Variants in PECAM1 observed in about 807,000 individuals in gnomAD.
PECAM1 encodes platelet endothelial cell adhesion molecule.
Under a neutral mutation model 13.8 loss-of-function variants are expected in PECAM1, and 8 were observed. The observed-to-expected ratio is 0.58, with a 90% CI of 0.34 to 1.05. PECAM1 has a LOEUF of 1.05. Ranked by LOEUF, PECAM1 falls within the 50% of genes least tolerant of loss-of-function variation. The pLI, the probability that PECAM1 is intolerant of heterozygous loss-of-function variation, is 0.03. For missense variants in PECAM1, 304 were observed against 141.2 expected (o/e 2.15, Z -5.84); for synonymous variants, 136 against 52.6 (o/e 2.58, Z -6.86).
At chr17:64,390,539 T>TTTCCAGAACA in intron 1 of PECAM1, 24 bp from the exon 2 acceptor site, 1 of 474,212 alleles carries the variant, frequency 2.1e-6, no homozygotes, top group Non-Finnish European at 3.9e-6. Context: ...AAGAAACATG[T>TTTCCAGAACA]TGATTCCAGA....
intron 2 of PECAM1, among the ~76,000 whole-genome samples, chr17:64,379,709 T>C (rs1177575699): frequency 1.3e-5 from 2 of 152,116 alleles, no homozygotes; most frequent in Non-Finnish European, 2.9e-5. Context: ...AAACATCTCA[T>C]GTTCTATACA....
Position 64,373,052 on chromosome 17 carries a change from C to T in PECAM1, c.691+1999G>A, listed in dbSNP as rs1004465404. Among the ~76,000 whole-genome samples, 188 of 151,298 alleles carry T rather than the reference C, an allele frequency of 1.2e-3. 2 individuals are homozygous for T. The highest frequency in any genetic ancestry group is 4.0e-3 in the African/African-American group (167 of 41,390). On this transcript the variant is annotated intron_variant, in intron 4 of 15. Transcript: ENST00000563924. ...GCTTGAACCCGGGAGGCGGAGGTTG[C>T]GGTGAGCTGAGATTGCGCCACTGTA...
chr17:64,337,050 C>T (rs1467020787), intron 14 of PECAM1, among the ~76,000 whole-genome samples: 1 of 152,200 alleles, frequency 6.6e-6, no homozygotes, highest in Non-Finnish European at 1.5e-5. Context: ...CCATGTCCTG[C>T]AGGCTCCTCT....
intron 3 of PECAM1, among the ~76,000 whole-genome samples, chr17:64,375,974 G>A (rs2036348330): frequency 6.6e-6 from 1 of 152,066 alleles, no homozygotes; most frequent in African/African-American, 2.4e-5. Flanking sequence ...TACACACTGG[G>A]TACAGTGTAC....
At chr17:64,366,550 A>C (rs2036110048) in intron 5 of PECAM1, among the ~76,000 whole-genome samples, 1 of 151,926 alleles carries the variant, frequency 6.6e-6, no homozygotes, top group East Asian at 1.9e-4. Flanking sequence ...CACTATTCAC[A>C]ATAGCAAAGA....
In PECAM1 at chr17:64,328,843, G is replaced by C. The variant is rs143591410; in HGVS notation, c.2187+857C>G. On this transcript the variant is annotated intron_variant, in intron 15 of 15. Transcript: ENST00000563924. ...TGCATTGCTGGGTAGCTCACAAAAA[G>C]GTTGGGATTGGAAGACACGTCTTTG... Among the ~76,000 whole-genome samples, 825 of 152,264 alleles carry C rather than the reference G, an allele frequency of 5.4e-3. 10 individuals are homozygous for C. Among genetic ancestry groups the C allele is most frequent in the African/African-American group, 0.019 (779 of 41,550 alleles).
intron 14 of PECAM1, among the ~76,000 whole-genome samples, chr17:64,333,763 G>C (rs2035190720): frequency 6.6e-6 from 1 of 151,658 alleles, no homozygotes. Context: ...TTCAAGACCA[G>C]CCTGGCCAAT....
intron 4 of PECAM1, among the ~76,000 whole-genome samples, chr17:64,373,272 G>C (rs1363278157): frequency 6.6e-6 from 1 of 152,060 alleles, no homozygotes; most frequent in Non-Finnish European, 1.5e-5. Context: ...CTATACTGCA[G>C]GATTGTTGTA....
chr17:64,371,273 G>A (rs1458726644), intron 4 of PECAM1, among the ~76,000 whole-genome samples: 1 of 152,144 alleles, frequency 6.6e-6, no homozygotes, highest in Non-Finnish European at 1.5e-5. Context: ...TTGACTAAAT[G>A]AAGATTAAAA....
chr17:64,334,102 C>T (rs1162493548), intron 14 of PECAM1, among the ~76,000 whole-genome samples: 2 of 142,450 alleles, frequency 1.4e-5, no homozygotes, highest in South Asian at 2.5e-4. Flanking sequence ...GAGTGGAAGG[C>T]GCCTCATGAT....
intron 15 of PECAM1, among the ~76,000 whole-genome samples, chr17:64,329,470 A>C (rs1555646234): frequency 6.6e-6 from 1 of 152,194 alleles, no homozygotes; most frequent in African/African-American, 2.4e-5. Context: ...AGCACCCCAG[A>C]GTCCCAATCC....
chr17:64,388,326 G>A (rs1175000329), intron 2 of PECAM1, among the ~76,000 whole-genome samples: 2 of 152,184 alleles, frequency 1.3e-5, no homozygotes, highest in East Asian at 3.9e-4. Flanking sequence ...GGGCTGGAGT[G>A]GACAAAGGGA....
chr17:64,353,941 T>TC (rs1491571759), intron 9 of PECAM1, among the ~76,000 whole-genome samples: 30 of 17,500 alleles, frequency 1.7e-3, no homozygotes, highest in East Asian at 0.12. Context: ...TCTCTCTCTC[T>TC]TTTTTTTTTT....
intron 4 of PECAM1, among the ~76,000 whole-genome samples, chr17:64,372,547 C>T (rs1598044915): frequency 6.6e-6 from 1 of 151,994 alleles, no homozygotes; most frequent in African/African-American, 2.4e-5. Context: ...ACTCAGTCAC[C>T]CAGGCTGGAA....
chr17:64,375,953 G>A (rs896632801), intron 3 of PECAM1, among the ~76,000 whole-genome samples: 1 of 151,834 alleles, frequency 6.6e-6, no homozygotes, highest in Non-Finnish European at 1.5e-5. Context: ...AGGGAGCGAG[G>A]GATAAAAGAC....
Position 64,377,899 on chromosome 17 carries a change from A to T in PECAM1, c.310T>A (p.Ser104Thr), listed in dbSNP as rs1404215757. 4.2e-6 allele frequency: 2 copies of T among 475,322 alleles called. No homozygotes were observed. Among genetic ancestry groups the T allele is most frequent in the Non-Finnish European group, 3.9e-6 (1 of 259,046 alleles). 29.4% of individuals were successfully genotyped at this position (475,322 alleles called of 1,614,324 possible). A position where few individuals can be genotyped will look rare whatever the true frequency, so the allele number is the denominator to read the frequency against. ...ATCACAGTACATTTATATGTCCCTG[A>T]GTCATAGATCCGGACTTCAGGAATA... ...YFIPEVRIYD[S>T]GTYKCTVIVN... The change falls in exon 3 of 16, where the codon TCA becomes ACA. Residue 104 changes from serine to threonine, a missense_variant. Coordinates refer to ENST00000563924, the MANE Select transcript of PECAM1 (RefSeq NM_000442.5).
Position 64,323,821 on chromosome 17 carries a change from T to A in PECAM1, c.2212A>T (p.Thr738Ser), listed in dbSNP as rs376154013. ...TGTGCATCTGGCCTTGCTGTCTAAG[T>A]TCCATCAAGGGAGCCTTCCGTTCTC... The part of the protein sequence containing the change: ...YSRTEGSLDG[T>S] The change falls in exon 16 of 16, where the codon ACT becomes TCT. Residue 738 changes from threonine to serine, a missense_variant. Thr to Ser is a moderately conservative substitution (Grantham distance 58, BLOSUM62 1). Coordinates refer to ENST00000563924, the MANE Select transcript of PECAM1 (RefSeq NM_000442.5). The A allele has an allele frequency of 1.5e-5, 13 of 860,852 alleles. No individual in the cohort carries two copies. The highest frequency in any genetic ancestry group is 2.6e-5 in the Non-Finnish European group (13 of 491,568). The allele number at this position is 860,852 out of a possible 1,614,324, so 53.3% of individuals were successfully genotyped here. A position where few individuals can be genotyped will look rare whatever the true frequency, so the allele number is the denominator to read the frequency against.
chr17:64,321,834 G>A lies in PECAM1; in HGVS notation c.*1982C>T. On this transcript the variant is annotated 3_prime_UTR_variant, in exon 16 of 16. Transcript: ENST00000563924. ...CACCAGGAGTAGGAATAGGGTCTTTGCAGCTCCCGTGGCAATTGCCCTTCT... is the reference window on the plus strand; with the variant it reads ...CACCAGGAGTAGGAATAGGGTCTTTACAGCTCCCGTGGCAATTGCCCTTCT... 1 of 1,349,266 alleles carries A rather than the reference G, an allele frequency of 7.4e-7. No individual in the cohort carries two copies. The highest frequency in any genetic ancestry group is 9.8e-7 in the Non-Finnish European group (1 of 1,019,416). The allele number at this position is 1,349,266 out of a possible 1,614,324, so 83.6% of individuals were successfully genotyped here.
At chr17:64,341,594 G>C in intron 14 of PECAM1, 40 bp downstream of exon 14, 1 of 432,264 alleles carries the variant, frequency 2.3e-6, no homozygotes, top group Non-Finnish European at 4.2e-6. Context: ...TGATTCTAGG[G>C]GGCATCCCCC....
Sources: gnomAD v4.1 joint callset for allele counts (sites outside exome capture counted in the v4.1 genomes callset) on GRCh38, gnomAD v4.1.1 for gene constraint, MANE v1.5 for transcripts, NCBI Gene and HGNC (gene_info 2026-07-23, HGNC 2026-07-21) for gene names.